LYPD6B: variants seen among roughly 807,000 people sequenced by gnomAD.
The protein encoded by LYPD6B is ly6/PLAUR domain-containing protein 6B.
In LYPD6B, 17 loss-of-function variants were observed where a neutral mutation model predicts 22.8. The observed-to-expected ratio is 0.75, with a 90% CI of 0.51 to 1.12. LYPD6B has a LOEUF of 1.12. LYPD6B is among the 50% of genes most tolerant of loss of function. The pLI is 0.00. For missense variants in LYPD6B, 221 were observed against 258.3 expected (o/e 0.86, Z 0.99); for synonymous variants, 106 against 91.6 (o/e 1.16, Z -0.90).
chr2:149,123,996 G>GC (rs1687538709), intron 1 of LYPD6B, among the ~76,000 whole-genome samples: 2 of 152,086 alleles, frequency 1.3e-5, no homozygotes, highest in African/African-American at 4.8e-5. Context: ...ATCCAGGAAG[G>GC]CCCCCCGGGC....
At position 149,214,693 on chromosome 2, in the gene LYPD6B, G is replaced by A. The variant is rs748834747; in HGVS notation, c.607G>A (p.Val203Met). ...CCTACCAGTGCTTGCCTGGGTCTTT[G>A]TGCTTCCATTGCTGTGATGCCACCA... ...LYLPVLAWVF[V>M]LPLL The change falls in exon 7 of 7, where the codon GTG becomes ATG. Residue 203 changes from valine (V) to methionine (M), a missense_variant. Val to Met is a conservative substitution (Grantham distance 21, BLOSUM62 1). Transcript: ENST00000409642. The A allele has an allele frequency of 1.2e-6, 2 of 1,613,874 alleles. No individual in the cohort carries two copies. Among genetic ancestry groups the A allele is most frequent in the African/African-American group, 2.7e-5 (2 of 74,938 alleles).
intron 1 of LYPD6B, among the ~76,000 whole-genome samples, chr2:149,040,245 A>G (rs2105238216): frequency 6.8e-6 from 1 of 148,078 alleles, no homozygotes; most frequent in African/African-American, 2.5e-5. Context: ...CTTTTGAGAC[A>G]GACTCTCACT....
intron 2 of LYPD6B, among the ~76,000 whole-genome samples, chr2:149,142,710 C>T (rs1688766866): frequency 6.6e-6 from 1 of 152,104 alleles, no homozygotes; most frequent in Non-Finnish European, 1.5e-5. Flanking sequence ...CACTATTTTG[C>T]CCAGGCTGGC....
In LYPD6B at chr2:149,204,316, G is replaced by A. The variant is rs141941709; in HGVS notation, c.78-937G>A. Among the ~76,000 whole-genome samples the A allele has an allele frequency of 1.6e-3, 249 of 152,266 alleles. 2 individuals are homozygous for A. Among genetic ancestry groups the A allele is most frequent in the African/African-American group, 5.7e-3 (238 of 41,540 alleles). The stretch of plus-strand genomic sequence containing the variant: ...AGCCAGCACCTGAACCAAAGTCTTC[G>A]GGTTCCCGGTTACATACTTTTTCTG... On this transcript the variant is annotated intron_variant, in intron 3 of 6. Transcript: ENST00000409642.
At chr2:149,195,137 A>G (rs1313175200) in intron 3 of LYPD6B, among the ~76,000 whole-genome samples, 3 of 152,242 alleles carry the variant, frequency 2.0e-5, no homozygotes, top group Non-Finnish European at 4.4e-5. Context: ...TAAAATTTGC[A>G]ATATCTGCAA....
chr2:149,209,290 A>T (rs1693694851), intron 5 of LYPD6B, among the ~76,000 whole-genome samples: 1 of 152,090 alleles, frequency 6.6e-6, no homozygotes, highest in African/African-American at 2.4e-5. Context: ...GTAGGAGGGA[A>T]CGCCAAATGA....
intron 1 of LYPD6B, among the ~76,000 whole-genome samples, chr2:149,052,306 C>T (rs150506893): frequency 8.6e-4 from 131 of 152,276 alleles, no homozygotes; most frequent in African/African-American, 3.0e-3. Context: ...CCGCCCGCCT[C>T]AGCATCCCAA....
chr2:149,078,693 A>AC (rs1183383729), intron 1 of LYPD6B, among the ~76,000 whole-genome samples: 5 of 152,156 alleles, frequency 3.3e-5, no homozygotes, highest in African/African-American at 1.2e-4. Context: ...CTTATGAGGC[A>AC]CCTAATTTCT....
At chr2:149,174,252 G>A (rs1691084573) in intron 3 of LYPD6B, among the ~76,000 whole-genome samples, 1 of 152,190 alleles carries the variant, frequency 6.6e-6, no homozygotes, top group Admixed American at 6.5e-5. Flanking sequence ...AGAATTTGCT[G>A]AAGTTGCTTA....
At chr2:149,144,752 A>C (rs1489412814) in intron 2 of LYPD6B, among the ~76,000 whole-genome samples, 1 of 152,166 alleles carries the variant, frequency 6.6e-6, no homozygotes, top group African/African-American at 2.4e-5. Flanking sequence ...GGACAGCAAA[A>C]TCTTACTGGG....
chr2:149,160,926 C>T (rs1690023423), intron 3 of LYPD6B, 91 bp downstream of exon 3: 4 of 957,412 alleles, frequency 4.2e-6, no homozygotes, highest in African/African-American at 1.6e-5. Flanking sequence ...AGTCCCGGGA[C>T]CCTGTGTTTT....
intron 2 of LYPD6B, among the ~76,000 whole-genome samples, chr2:149,147,083 C>T (rs1689071885): frequency 6.6e-6 from 1 of 152,168 alleles, no homozygotes; most frequent in Non-Finnish European, 1.5e-5. Flanking sequence ...ACCCCAGCTT[C>T]TCAGCGGTTC....
At chr2:149,059,184 G>T (rs75775153) in intron 1 of LYPD6B, among the ~76,000 whole-genome samples, 2,253 of 152,320 alleles carry the variant, frequency 0.015, 49 homozygotes, top group African/African-American at 0.052. Flanking sequence ...GCTAGCTCCT[G>T]TTAAGTAAGT....
At chr2:149,064,966 A>G (rs985851146) in intron 1 of LYPD6B, among the ~76,000 whole-genome samples, 1 of 152,172 alleles carries the variant, frequency 6.6e-6, no homozygotes, top group African/African-American at 2.4e-5. Context: ...TAGGCACTGC[A>G]GTCTATTACT....
At chr2:149,214,476 A>G (rs2106195309) in intron 6 of LYPD6B, 70 bp from the exon 7 acceptor site, 1 of 1,518,538 alleles carries the variant, frequency 6.6e-7, no homozygotes, top group East Asian at 2.3e-5. Context: ...CCTTTGTTTT[A>G]TCTTTCTTTC....
At chr2:149,194,975 G>T (rs1692717345) in intron 3 of LYPD6B, among the ~76,000 whole-genome samples, 3 of 152,180 alleles carry the variant, frequency 2.0e-5, no homozygotes, top group African/African-American at 7.2e-5. Context: ...TTCAGTTGCT[G>T]AAAATGGAGT....
At chr2:149,066,737 T>G (rs1684354406) in intron 1 of LYPD6B, among the ~76,000 whole-genome samples, 1 of 152,014 alleles carries the variant, frequency 6.6e-6, no homozygotes, top group Non-Finnish European at 1.5e-5. Context: ...CCTCCAACAT[T>G]CTCCCTTCTC....
chr2:149,152,888 G>T (rs2105837704), intron 2 of LYPD6B, among the ~76,000 whole-genome samples: 1 of 152,300 alleles, frequency 6.6e-6, no homozygotes, highest in Admixed American at 6.5e-5. Flanking sequence ...CAACAAAAGT[G>T]GGGTAGGGGT....
chr2:149,143,712 A>G (rs1191038226), intron 2 of LYPD6B: 5 of 152,302 alleles, frequency 3.3e-5, no homozygotes, highest in Middle Eastern at 3.4e-3. Context: ...TTAAATTGCA[A>G]TTATAACTAA....
Sources: gnomAD v4.1 joint callset for allele counts (sites outside exome capture counted in the v4.1 genomes callset) on GRCh38, gnomAD v4.1.1 for gene constraint, MANE v1.5 for transcripts, NCBI Gene and HGNC (gene_info 2026-07-23, HGNC 2026-07-21) for gene names.